Variants in WDFY2 observed in about 807,000 individuals in gnomAD.
WDFY2 encodes the protein WD repeat and FYVE domain-containing protein 2.
WDFY2 carries 36 observed loss-of-function variants against 56.4 expected under a neutral mutation model. The observed-to-expected ratio is 0.64, with a 90% CI of 0.49 to 0.84. WDFY2 has a LOEUF of 0.84. Among genes scored for constraint, WDFY2 ranks in the 40% least tolerant of loss-of-function variants. WDFY2 has a pLI of 0.00. For missense variants in WDFY2, 444 were observed against 512.2 expected, an observed-to-expected ratio of 0.87 and a Z score of 1.29; for synonymous variants, 176 against 183.7, an observed-to-expected ratio of 0.96 and a Z score of 0.34.
chr13:51,642,898 G>A (rs1486944010), intron 1 of WDFY2, among the ~76,000 whole-genome samples: 2 of 151,816 alleles, frequency 1.3e-5, no homozygotes, highest in Non-Finnish European at 2.9e-5. Context: ...GGATGGTCTC[G>A]ATCTCTTGAC....
intron 1 of WDFY2, among the ~76,000 whole-genome samples, chr13:51,633,436 T>C (rs1954990838): frequency 1.3e-5 from 2 of 152,354 alleles, no homozygotes; most frequent in Non-Finnish European, 2.9e-5. Context: ...TATAATAATA[T>C]TGAAATTTGT....
At chr13:51,661,165 G>A (rs1955604623) in intron 2 of WDFY2, among the ~76,000 whole-genome samples, 1 of 152,170 alleles carries the variant, frequency 6.6e-6, no homozygotes, top group African/African-American at 2.4e-5. Context: ...TGAGAATTAT[G>A]TCCTTGCACT....
chr13:51,648,482 T>C (rs1955304682), intron 1 of WDFY2, among the ~76,000 whole-genome samples: 1 of 152,186 alleles, frequency 6.6e-6, no homozygotes, highest in African/African-American at 2.4e-5. Context: ...AAATATCAAA[T>C]ATGGTAAAAT....
intron 1 of WDFY2, among the ~76,000 whole-genome samples, chr13:51,608,112 A>C (rs370214720): frequency 6.6e-6 from 1 of 152,054 alleles, no homozygotes; most frequent in Non-Finnish European, 1.5e-5. Flanking sequence ...GCCCCTTAAC[A>C]CTCACTTTGG....
At chr13:51,729,493 TCTC>T in intron 6 of WDFY2, among the ~76,000 whole-genome samples, 1 of 151,654 alleles carries the variant, frequency 6.6e-6, no homozygotes, top group African/African-American at 2.4e-5. Context: ...TCTCCCCACT[TCTC>T]CTCTTCTCAG....
chr13:51,667,642 GTA>G (rs1056981354), intron 2 of WDFY2, among the ~76,000 whole-genome samples: 1 of 152,090 alleles, frequency 6.6e-6, no homozygotes, highest in African/African-American at 2.4e-5. Context: ...GGGAGAATGT[GTA>G]TATACTTGAG....
intron 5 of WDFY2, among the ~76,000 whole-genome samples, chr13:51,721,380 A>G (rs1952485842): frequency 6.6e-6 from 1 of 151,996 alleles, no homozygotes; most frequent in Admixed American, 6.6e-5. Flanking sequence ...AGGAGTATGG[A>G]AAAAAAATAC....
At chr13:51,598,905 CTTTTTTTTTTT>C (rs569169884) in intron 1 of WDFY2, among the ~76,000 whole-genome samples, 1 of 115,748 alleles carries the variant, frequency 8.6e-6, no homozygotes, top group Admixed American at 9.3e-5. Context: ...GTGCCATTTA[CTTTTTTTTTTT>C]TTTTTTTTTT....
intron 6 of WDFY2, among the ~76,000 whole-genome samples, chr13:51,736,304 G>A (rs532012422): frequency 7.9e-4 from 121 of 152,270 alleles, no homozygotes; most frequent in Middle Eastern, 3.4e-3. Flanking sequence ...GCACAGAAAC[G>A]TTAAGTAACT....
At chr13:51,743,330 C>G (rs1390096150) in intron 7 of WDFY2, among the ~76,000 whole-genome samples, 1 of 152,234 alleles carries the variant, frequency 6.6e-6, no homozygotes, top group African/African-American at 2.4e-5. Flanking sequence ...GCTGGCCCTT[C>G]TGCCAATGGC....
chr13:51,651,455 T>C (rs1317241467), intron 1 of WDFY2, among the ~76,000 whole-genome samples: 2 of 152,226 alleles, frequency 1.3e-5, no homozygotes, highest in Non-Finnish European at 2.9e-5. Context: ...TGCCTTCTGC[T>C]AGCTTTTGAA....
At chr13:51,744,272 A>G (rs1355405354) in intron 7 of WDFY2, among the ~76,000 whole-genome samples, 2 of 152,358 alleles carry the variant, frequency 1.3e-5, no homozygotes, top group Non-Finnish European at 2.9e-5. Context: ...GAACAATGCT[A>G]TACATTTGAG....
chr13:51,618,642 T>C (rs187355393), intron 1 of WDFY2, among the ~76,000 whole-genome samples: 53 of 152,354 alleles, frequency 3.5e-4, no homozygotes, highest in African/African-American at 1.3e-3. Context: ...TTGCCTACCT[T>C]GTATAAGGTG....
At chr13:51,647,780 A>C (rs1215250924) in intron 1 of WDFY2, among the ~76,000 whole-genome samples, 2 of 151,820 alleles carry the variant, frequency 1.3e-5, no homozygotes, top group African/African-American at 2.4e-5. Context: ...AAAAAAAAAA[A>C]AAAAAAACCT....
chr13:51,619,159 T>C (rs1187855213), intron 1 of WDFY2, among the ~76,000 whole-genome samples: 1 of 152,108 alleles, frequency 6.6e-6, no homozygotes, highest in African/African-American at 2.4e-5. Context: ...AACAGGCAAA[T>C]AAAGAACTCG....
At chr13:51,688,169 C>G (rs1166141952) in intron 3 of WDFY2, among the ~76,000 whole-genome samples, 1 of 152,188 alleles carries the variant, frequency 6.6e-6, no homozygotes, top group Non-Finnish European at 1.5e-5. Flanking sequence ...AGTGTCTGTT[C>G]TGATTAGCCG....
At chr13:51,602,823 C>T (rs1179421040) in intron 1 of WDFY2, among the ~76,000 whole-genome samples, 7 of 152,210 alleles carry the variant, frequency 4.6e-5, no homozygotes, top group Non-Finnish European at 1.0e-4. Flanking sequence ...CCTTTGTACT[C>T]ATCTGACCAG....
chr13:51,628,494 G>C (rs1275519121), intron 1 of WDFY2, among the ~76,000 whole-genome samples: 1 of 152,200 alleles, frequency 6.6e-6, no homozygotes. Flanking sequence ...AGCTTCAGCT[G>C]GATGGCTGCA....
chr13:51,669,196 A>G (rs1374620345), intron 2 of WDFY2, among the ~76,000 whole-genome samples: 2 of 152,106 alleles, frequency 1.3e-5, no homozygotes, highest in East Asian at 3.8e-4. Context: ...TTATATGGCC[A>G]TTAATTTAAT....
Sources: allele counts gnomAD v4.1 joint callset (sites outside exome capture counted in the v4.1 genomes callset), GRCh38; gene constraint gnomAD v4.1.1; transcripts MANE v1.5; gene names NCBI Gene and HGNC (gene_info 2026-07-23, HGNC 2026-07-21).